RUFY2: variants seen among roughly 807,000 people sequenced by gnomAD.
The protein encoded by RUFY2 is RUN and FYVE domain containing 2.
RUFY2 carries 49 observed loss-of-function variants against 94.4 expected under a neutral mutation model. The ratio of observed to expected loss-of-function variants is 0.52; its 90% CI spans 0.41 to 0.66. The LOEUF (loss-of-function observed/expected upper bound fraction) is 0.66. Among genes scored for constraint, RUFY2 ranks in the 30% least tolerant of loss-of-function variants. The pLI, the probability that RUFY2 is intolerant of heterozygous loss-of-function variation, is 0.00. For missense variants in RUFY2, 541 were observed against 692.8 expected, an observed-to-expected ratio of 0.78 and a Z score of 2.46; for synonymous variants, 255 against 235.7, an observed-to-expected ratio of 1.08 and a Z score of -0.75.
At chr10:68,368,280 A>G (rs1281481915) in intron 13 of RUFY2, among the ~76,000 whole-genome samples, 1 of 149,550 alleles carries the variant, frequency 6.7e-6, no homozygotes, top group African/African-American at 2.6e-5. Flanking sequence ...TAGGTTTTTA[A>G]CCACAGTAAT....
chr10:68,379,173 G>A (rs1272159556), intron 12 of RUFY2: 6 of 349,252 alleles, frequency 1.7e-5, no homozygotes, highest in Non-Finnish European at 2.5e-5. Context: ...GTAACTGAAC[G>A]ACATGAAACT....
chr10:68,364,304 G>A lies in RUFY2; in HGVS notation c.1326-191C>T, dbSNP rs116386309. Among the ~76,000 whole-genome samples, 1,235 of 152,188 alleles carry A rather than the reference G, an allele frequency of 8.1e-3. 16 individuals are homozygous for A. The highest frequency in any genetic ancestry group is 0.028 in the African/African-American group (1,153 of 41,534). ...CAGGGTTTTCCAGTCACAAAATACTGACTCATTTGCCAGCCACGAAAAAAT... is the reference window on the plus strand; with the variant it reads ...CAGGGTTTTCCAGTCACAAAATACTAACTCATTTGCCAGCCACGAAAAAAT... On this transcript the variant is annotated intron_variant, in intron 13 of 17. Transcript: ENST00000602465.
chr10:68,360,627 A>G, intron 15 of RUFY2, among the ~76,000 whole-genome samples: 1 of 152,092 alleles, frequency 6.6e-6, no homozygotes. Flanking sequence ...GGGCACCTGT[A>G]GTCCCAGCTA....
At chr10:68,342,745 C>T (rs1383789108), downstream of RUFY2, 5 of 152,520 alleles carry the variant, frequency 3.3e-5, no homozygotes, top group African/African-American at 1.2e-4. Context: ...AAAATGTCTC[C>T]AAAAAATTGA....
chr10:68,377,121 A>G, intron 12 of RUFY2, 149 bp from the exon 13 acceptor site: 1 of 1,508,184 alleles, frequency 6.6e-7, no homozygotes. Context: ...CTCAAACGTG[A>G]AAGAGCCACA....
chr10:68,389,245 G>A (rs1198881048), intron 7 of RUFY2, among the ~76,000 whole-genome samples: 2 of 152,176 alleles, frequency 1.3e-5, no homozygotes, highest in Non-Finnish European at 2.9e-5. Context: ...TCAGACACCA[G>A]TATTGCTGTA....
downstream of RUFY2, chr10:68,342,256 A>G: frequency 2.0e-6 from 1 of 488,348 alleles, no homozygotes; most frequent in South Asian, 3.4e-5. Context: ...CTTAAAAATA[A>G]ATTTTTATAT....
intron 17 of RUFY2, 24 bp from the exon 18 acceptor site, chr10:68,345,935 GAAAA>G (rs758003535): frequency 1.2e-6 from 2 of 1,610,210 alleles, no homozygotes; most frequent in Non-Finnish European, 1.7e-6. Flanking sequence ...AAATCAGAGG[GAAAA>G]AAACACTTTA....
At chr10:68,353,750 G>A (rs2046858819) in intron 16 of RUFY2, among the ~76,000 whole-genome samples, 1 of 151,982 alleles carries the variant, frequency 6.6e-6, no homozygotes, top group African/African-American at 2.4e-5. Context: ...AGTGAACTAT[G>A]ATTGTGCCAC....
chr10:68,359,569 G>C lies in RUFY2; in HGVS notation c.1550+4021C>G, dbSNP rs2047313788. ...ACTATATATAAAAATATATATAGTA[G>C]TACTACTATATATAAATATACATAG... On this transcript the variant is annotated intron_variant, in intron 15 of 17. Transcript: ENST00000602465. 3.6e-5 allele frequency among the ~76,000 whole-genome samples: 5 copies of C among 140,462 alleles called. No homozygotes were observed. The South Asian group carries it at 1.2e-3, about 33-fold the overall frequency. The allele number at this position is 140,462 out of a possible 152,430, so 92.1% of individuals were successfully genotyped here.
chr10:68,369,684 G>A (rs1354753466), intron 13 of RUFY2, among the ~76,000 whole-genome samples: 1 of 152,138 alleles, frequency 6.6e-6, no homozygotes, highest in Non-Finnish European at 1.5e-5. Context: ...CACTTTGGGA[G>A]GCCAAGGCAG....
intron 1 of RUFY2, among the ~76,000 whole-genome samples, chr10:68,406,238 G>C (rs1195986306): frequency 2.6e-5 from 4 of 152,024 alleles, no homozygotes; most frequent in Non-Finnish European, 1.5e-5. Flanking sequence ...TAGATAGCTA[G>C]GCATGAAGCC....
At chr10:68,351,250 G>A (rs2046648647) in intron 16 of RUFY2, among the ~76,000 whole-genome samples, 1 of 144,232 alleles carries the variant, frequency 6.9e-6, no homozygotes, top group Admixed American at 7.3e-5. Context: ...TCCTGCCTCA[G>A]CCTCCTGAGT....
chr10:68,398,120 T>G (rs1045041472), intron 3 of RUFY2, among the ~76,000 whole-genome samples: 4 of 124,270 alleles, frequency 3.2e-5, no homozygotes, highest in African/African-American at 1.3e-4. Context: ...AGGTAAGATT[T>G]GTTCTCAAAA....
chr10:68,341,861 T>C (rs2045976938), downstream of RUFY2: 3 of 1,605,084 alleles, frequency 1.9e-6, no homozygotes, highest in South Asian at 2.2e-5. Context: ...GGTAAGTATC[T>C]CTAGTTCAGT....
At chr10:68,367,451 T>A (rs545834202) in intron 13 of RUFY2, among the ~76,000 whole-genome samples, 1 of 152,154 alleles carries the variant, frequency 6.6e-6, no homozygotes, top group African/African-American at 2.4e-5. Flanking sequence ...TTTGGGGTTT[T>A]TATTTTGTTC....
rs1387414225 is a variant in RUFY2, at chr10:68,344,790, G to A, written c.*978C>T. On this transcript the variant is annotated 3_prime_UTR_variant, in exon 18 of 18. Coordinates refer to ENST00000602465, the MANE Select transcript of RUFY2 (RefSeq NM_001330103.2). Reference sequence around the variant, plus strand: ...ATTTTACTGTGGATGTATACAGGTAGGCCACTACAATGTGATACTTCCTAA... The same window carrying A: ...ATTTTACTGTGGATGTATACAGGTAAGCCACTACAATGTGATACTTCCTAA... The A allele has an allele frequency of 6.6e-6, 1 of 152,162 alleles. No homozygotes were observed. Among genetic ancestry groups the A allele is most frequent in the African/African-American group, 2.4e-5 (1 of 41,422 alleles). 9.4% of individuals were successfully genotyped at this position (152,162 alleles called of 1,614,324 possible). A position where few individuals can be genotyped will look rare whatever the true frequency, so the allele number is the denominator to read the frequency against.
chr10:68,406,871 C>T, intron 1 of RUFY2: 1 of 1,603,492 alleles, frequency 6.2e-7, no homozygotes, highest in Non-Finnish European at 8.5e-7. Context: ...ATCGCCCCTC[C>T]CCGCCTGCTC....
intron 7 of RUFY2, 28 bp downstream of exon 7, chr10:68,393,110 A>T (rs1234038480): frequency 3.9e-6 from 5 of 1,277,254 alleles, no homozygotes; most frequent in Non-Finnish European, 5.5e-6. Flanking sequence ...CAATATTCAT[A>T]AATGTGCTAA....
Sources: allele counts gnomAD v4.1 joint callset (sites outside exome capture counted in the v4.1 genomes callset), GRCh38; gene constraint gnomAD v4.1.1; transcripts MANE v1.5; gene names NCBI Gene and HGNC (gene_info 2026-07-23, HGNC 2026-07-21).